The following LIMCH1 variants were observed in gnomAD, a reference collection of about 807,000 sequenced individuals.
LIMCH1 encodes the protein LIM and calponin homology domains-containing protein 1.
Under a neutral mutation model 176.5 loss-of-function variants are expected in LIMCH1, and 113 were observed. The observed-to-expected ratio is 0.64, with a 90% confidence interval of 0.55 to 0.75. The LOEUF is 0.75. LIMCH1 is among the 30% of genes least tolerant of loss of function. LIMCH1 has a pLI of 0.00. For synonymous variants in LIMCH1, 619 were observed against 645.9 expected, an observed-to-expected ratio of 0.96 and a Z score of 0.63; for missense variants, 1,674 against 1,814.9, an observed-to-expected ratio of 0.92 and a Z score of 1.41.
intron 1 of LIMCH1, among the ~76,000 whole-genome samples, chr4:41,393,269 G>T (rs1180408153): frequency 6.6e-6 from 1 of 152,108 alleles, no homozygotes; most frequent in Admixed American, 6.6e-5. Flanking sequence ...CTACCTGCTT[G>T]GGAGGAAGTG....
chr4:41,569,857 G>T (rs905303696), intron 1 of LIMCH1, among the ~76,000 whole-genome samples: 6 of 152,258 alleles, frequency 3.9e-5, no homozygotes, highest in Admixed American at 1.3e-4. Context: ...TTAAAATTCT[G>T]TTCCTCGTCA....
intron 1 of LIMCH1, among the ~76,000 whole-genome samples, chr4:41,491,254 G>A (rs1263212794): frequency 6.1e-5 from 9 of 148,746 alleles, no homozygotes; most frequent in Non-Finnish European, 1.3e-4. Flanking sequence ...GGGCAGAGGC[G>A]CTCCTCACCT....
At chr4:41,494,618 C>T (rs774168111) in intron 2 of LIMCH1, 2 of 1,557,296 alleles carry the variant, frequency 1.3e-6, no homozygotes, top group South Asian at 1.2e-5. Flanking sequence ...TAAGTATAGC[C>T]TATATTCAGT....
chr4:41,633,923 A>G, intron 13 of LIMCH1, 115 bp downstream of exon 13: 2 of 1,214,746 alleles, frequency 1.6e-6, no homozygotes, highest in Non-Finnish European at 2.2e-6. Context: ...TAGCAGAAAC[A>G]GAATGATCAA....
At chr4:41,635,784 GAT>G (rs1382974586) in intron 13 of LIMCH1, among the ~76,000 whole-genome samples, 1 of 152,216 alleles carries the variant, frequency 6.6e-6, no homozygotes, top group Non-Finnish European at 1.5e-5. Context: ...GCTAGTTCAT[GAT>G]ATAGAAATAG....
chr4:41,577,652 C>T (rs2084716612), intron 1 of LIMCH1, among the ~76,000 whole-genome samples: 1 of 152,110 alleles, frequency 6.6e-6, no homozygotes, highest in Admixed American at 6.5e-5. Flanking sequence ...CTGTCTTGAA[C>T]TCCTGGGCTC....
intron 2 of LIMCH1, among the ~76,000 whole-genome samples, chr4:41,504,224 C>T (rs891576123): frequency 6.6e-6 from 1 of 152,186 alleles, no homozygotes; most frequent in African/African-American, 2.4e-5. Context: ...TCAGACCTTT[C>T]TTTCCAGGGG....
Position 41,627,019 on chromosome 4 carries a change from GGTGTGTGTGTGTGTGTGTGTGT to G in LIMCH1, c.1028+22_1028+43del. 1 of 1,406,614 alleles carries G rather than the reference GGTGTGTGTGTGTGTGTGTGTGT, an allele frequency of 7.1e-7. No homozygotes were observed. The highest frequency in any genetic ancestry group is 9.4e-7 in the Non-Finnish European group (1 of 1,065,798). 87.1% of individuals were successfully genotyped at this position (1,406,614 alleles called of 1,614,324 possible). On this transcript the variant is annotated intron_variant, in intron 8 of 31. Coordinates refer to ENST00000503057, the MANE Select transcript of LIMCH1 (RefSeq NM_001330672.2). ...AGTCTAGAATATAAAAGGTGTGCAT[GGTGTGTGTGTGTGTGTGTGTGT>G]GTGTGTGTGTGTCTATGAAAGAGAC... is the stretch of plus-strand genomic sequence containing the variant.
intron 1 of LIMCH1, among the ~76,000 whole-genome samples, chr4:41,490,754 G>A (rs528981213): frequency 7.2e-5 from 11 of 152,122 alleles, no homozygotes; most frequent in South Asian, 4.2e-4. Flanking sequence ...TGACAAAACC[G>A]CCATCGTTAT....
intron 1 of LIMCH1, among the ~76,000 whole-genome samples, chr4:41,444,808 G>A (rs1296151300): frequency 1.3e-5 from 2 of 152,092 alleles, no homozygotes; most frequent in African/African-American, 4.8e-5. Flanking sequence ...TAAGGATATA[G>A]TCCCCATAAA....
chr4:41,530,092 G>C (rs1429352843), intron 3 of LIMCH1, among the ~76,000 whole-genome samples: 1 of 152,180 alleles, frequency 6.6e-6, no homozygotes, highest in Admixed American at 6.5e-5. Flanking sequence ...TTTAGTTTAT[G>C]AAAACTGACA....
At chr4:41,415,093 A>G (rs2059811658) in intron 1 of LIMCH1, among the ~76,000 whole-genome samples, 1 of 152,158 alleles carries the variant, frequency 6.6e-6, no homozygotes, top group Non-Finnish European at 1.5e-5. Context: ...TTAGGCTGGT[A>G]CCTTGTGAGT....
chr4:41,591,193 ATTTC>A (rs905297544), intron 1 of LIMCH1, among the ~76,000 whole-genome samples: 1 of 151,878 alleles, frequency 6.6e-6, no homozygotes, highest in South Asian at 2.1e-4. Context: ...CCGTATTAAA[ATTTC>A]TTTCTTTCTT....
chr4:41,631,362 G>A lies in LIMCH1; in HGVS notation c.1486G>A (p.Glu496Lys), dbSNP rs2093314506. 8 of 1,536,084 alleles carry A rather than the reference G, an allele frequency of 5.2e-6. No homozygotes were observed. Among genetic ancestry groups the A allele is most frequent in the Non-Finnish European group, 5.2e-6 (6 of 1,146,910 alleles). The change falls in exon 10 of 32, where the codon GAA (glutamate) becomes AAA (lysine). Residue 496 changes from glutamate to lysine, a missense_variant. By Grantham distance (56) the Glu-to-Lys change is moderately conservative. Around this residue, in one of 3 missense-constraint regions of LIMCH1, gnomAD observed 655 missense variants for 692.2 expected, o/e 0.95. Transcript: ENST00000503057. ...SIGKAGPREDEEEVICHGSKI... is the reference protein window; with the variant it reads ...SIGKAGPREDKEEVICHGSKI... ...TGGCAAGGCTGGGCCTAGAGAGGAT[G>A]AAGAAGAAGTCATCTGTCATGGCAG...
chr4:41,539,437 T>C (rs1583705238), intron 1 of LIMCH1, among the ~76,000 whole-genome samples: 1 of 152,084 alleles, frequency 6.6e-6, no homozygotes, highest in Admixed American at 6.5e-5. Context: ...TGCCTGAGGG[T>C]ATGTGCCACT....
intron 1 of LIMCH1, among the ~76,000 whole-genome samples, chr4:41,419,584 T>TTCCTTCCTTCC (rs2060286796): frequency 1.1e-5 from 1 of 89,624 alleles, no homozygotes; most frequent in African/African-American, 7.3e-5. Context: ...CCTTCCTTCC[T>TTCCTTCCTTCC]TCCTTCCTTC....
At chr4:41,531,515 C>CACACAT (rs763489174) in intron 3 of LIMCH1, among the ~76,000 whole-genome samples, 412 of 105,860 alleles carry the variant, frequency 3.9e-3, no homozygotes, top group African/African-American at 7.5e-3. Flanking sequence ...CACACACACA[C>CACACAT]ATACACACCT....
chr4:41,474,595 A>G (rs898847699), intron 1 of LIMCH1, among the ~76,000 whole-genome samples: 3 of 152,216 alleles, frequency 2.0e-5, no homozygotes, highest in African/African-American at 4.8e-5. Flanking sequence ...TCTAATCACT[A>G]GAAAAATGCA....
intron 1 of LIMCH1, among the ~76,000 whole-genome samples, chr4:41,489,597 A>G (rs2070363007): frequency 6.6e-6 from 1 of 152,146 alleles, no homozygotes; most frequent in South Asian, 2.1e-4. Context: ...TTTTCCAGTG[A>G]TATTTCTGTT....
Sources: gnomAD v4.1 joint callset for allele counts (sites outside exome capture counted in the v4.1 genomes callset) on GRCh38, gnomAD v4.1.1 for gene constraint, gnomAD v4.1.1 regional missense constraint, MANE v1.5 for transcripts, NCBI Gene and HGNC (gene_info 2026-07-23, HGNC 2026-07-21) for gene names.